CDK17: variants seen among roughly 807,000 people sequenced by gnomAD.
CDK17 encodes the protein cyclin-dependent kinase 17.
A neutral mutation model predicts 77.6 loss-of-function variants in CDK17; 24 were observed. The ratio of observed to expected loss-of-function variants is 0.31; its 90% CI spans 0.22 to 0.44. The LOEUF (loss-of-function observed/expected upper bound fraction) is 0.44, where lower values mean the gene tolerates loss of function less well. CDK17 is among the 20% of genes least tolerant of loss of function. CDK17 has a pLI of 1.00. For synonymous variants in CDK17, 203 were observed against 210.4 expected (o/e 0.96, Z 0.30); for missense variants, 429 against 622.5 (o/e 0.69, Z 3.31).
At chr12:96,370,675 C>A (rs1414538154) in intron 1 of CDK17, among the ~76,000 whole-genome samples, 1 of 152,172 alleles carries the variant, frequency 6.6e-6, no homozygotes, top group Non-Finnish European at 1.5e-5. Flanking sequence ...CCAGAGACTA[C>A]ACTGAATATT....
At chr12:96,374,651 A>ATCT (rs1436220740) in intron 1 of CDK17, among the ~76,000 whole-genome samples, 5 of 152,166 alleles carry the variant, frequency 3.3e-5, no homozygotes, top group African/African-American at 1.2e-4. Flanking sequence ...CTAAGAAGCA[A>ATCT]CATCAGAGAT....
chr12:96,394,562 C>T (rs1954134005), intron 1 of CDK17, among the ~76,000 whole-genome samples: 1 of 151,874 alleles, frequency 6.6e-6, no homozygotes, highest in Non-Finnish European at 1.5e-5. Context: ...TACGTGTAAT[C>T]CCAGCACTTT....
chr12:96,370,660 GT>G (rs930591679), intron 1 of CDK17, among the ~76,000 whole-genome samples: 3 of 152,172 alleles, frequency 2.0e-5, no homozygotes, highest in African/African-American at 7.2e-5. Flanking sequence ...GTACAATGGA[GT>G]TTTCCAGAGA....
intron 1 of CDK17, among the ~76,000 whole-genome samples, chr12:96,388,716 C>T (rs951603200): frequency 6.6e-6 from 1 of 152,028 alleles, no homozygotes; most frequent in African/African-American, 2.4e-5. Context: ...TAAAGGAATC[C>T]CTGAGACTGG....
intron 1 of CDK17, among the ~76,000 whole-genome samples, chr12:96,375,249 G>A (rs1412603842): frequency 6.6e-6 from 1 of 152,108 alleles, no homozygotes; most frequent in Non-Finnish European, 1.5e-5. Context: ...ATAGGAGTTT[G>A]ACCAGTCCTT....
At chr12:96,333,671 C>CAAAAAAAAA (rs58025242) in intron 2 of CDK17, among the ~76,000 whole-genome samples, 1 of 111,570 alleles carries the variant, frequency 9.0e-6, no homozygotes, top group African/African-American at 3.1e-5. Flanking sequence ...GAGACTGTCT[C>CAAAAAAAAA]AAAAAAAAAA....
intron 3 of CDK17, among the ~76,000 whole-genome samples, chr12:96,323,126 T>A (rs901696544): frequency 2.0e-5 from 3 of 152,104 alleles, no homozygotes; most frequent in Admixed American, 2.0e-4. Context: ...GTACTTGAAG[T>A]GATTTTAAAA....
At chr12:96,303,297 TAA>T (rs1952533296) in intron 5 of CDK17, 1 of 152,158 alleles carries the variant, frequency 6.6e-6, no homozygotes, top group Non-Finnish European at 1.5e-5. Context: ...TAGAATATTT[TAA>T]AAGTTTCACA....
Position 96,297,286 on chromosome 12 carries a change from C to G in CDK17, c.857G>C (p.Ser286Thr). 1 of 1,610,620 alleles carries G rather than the reference C, an allele frequency of 6.2e-7. No individual in the cohort carries two copies. The highest frequency in any genetic ancestry group is 1.3e-5 in the African/African-American group (1 of 74,932). ...AAAACATACCTTTACGTTGTGCATA[C>G]TCATGATGTTTCCACAGTCATCCAT... is the stretch of plus-strand genomic sequence containing the variant. ...QYMDDCGNIM[S>T]MHNVKLFLYQ... The change falls in exon 9 of 17, where the codon AGT becomes ACT. Residue 286 changes from serine to threonine, a missense_variant. Ser to Thr is a moderately conservative substitution (Grantham distance 58). This residue lies in a region of CDK17 where 262 missense variants were observed against 385.4 expected (regional missense o/e 0.68). Transcript: ENST00000261211.
At chr12:96,295,302 A>G (rs1227545794) in intron 9 of CDK17, 180 bp from the exon 10 acceptor site, 1 of 422,824 alleles carries the variant, frequency 2.4e-6, no homozygotes, top group Non-Finnish European at 4.2e-6. Context: ...TGAATTTAAT[A>G]GTTTATTATT....
At position 96,399,986 on chromosome 12, in the gene CDK17, C is replaced by T. The variant is rs555629051; in HGVS notation, c.-30G>A. 1.7e-4 allele frequency: 64 copies of T among 380,430 alleles called. No individual in the cohort carries two copies. The highest frequency in any genetic ancestry group is 1.3e-3 in the African/African-American group (60 of 47,986). 23.6% of individuals were successfully genotyped at this position (380,430 alleles called of 1,614,324 possible). ...GCGCGGACGCCAGCCGCCAACTCACCAGCAAGAGCGGGGACCGCGGGTCCC... is the reference window on the plus strand; with the variant it reads ...GCGCGGACGCCAGCCGCCAACTCACTAGCAAGAGCGGGGACCGCGGGTCCC... On this transcript the variant is annotated splice_region_variant and 5_prime_UTR_variant, in exon 1 of 17. Coordinates refer to ENST00000261211, the MANE Select transcript of CDK17 (RefSeq NM_002595.5).
chr12:96,355,928 C>A (rs1277442708), intron 1 of CDK17, among the ~76,000 whole-genome samples: 5 of 152,118 alleles, frequency 3.3e-5, no homozygotes, highest in African/African-American at 1.2e-4. Context: ...TGATTGAAGT[C>A]AATCTATTAA....
chr12:96,340,194 G>A (rs1199614030), intron 1 of CDK17, among the ~76,000 whole-genome samples: 1 of 151,916 alleles, frequency 6.6e-6, no homozygotes, highest in East Asian at 1.9e-4. Flanking sequence ...TTCATATAGT[G>A]CATTTGAACA....
At chr12:96,280,611 T>A in intron 16 of CDK17, 197 bp downstream of exon 16, 1 of 1,413,892 alleles carries the variant, frequency 7.1e-7, no homozygotes, top group East Asian at 2.5e-5. Context: ...CTGAGTCAGA[T>A]TTTTCTCTGA....
Position 96,282,545 on chromosome 12 carries a change from G to A in CDK17, c.1420C>T (p.Arg474Ter). 2 of 1,612,766 alleles carry A rather than the reference G, an allele frequency of 1.2e-6. No homozygotes were observed. The highest frequency in any genetic ancestry group is 1.7e-6 in the Non-Finnish European group (2 of 1,178,816). ...AEEAMKHVYF[R>*]SLGPRIHALP... The stretch of plus-strand genomic sequence containing the variant: ...GCATGTATTCTTGGTCCCAGACTTC[G>A]AAAGTACACATGTTTCATGGCCTCT... The change falls in exon 15 of 17, where the codon CGA becomes TGA. Residue 474 changes from arginine (R) to a stop codon, truncating the protein, a stop_gained. Coordinates refer to ENST00000261211, the MANE Select transcript of CDK17 (RefSeq NM_002595.5). LOFTEE classifies it high-confidence loss of function.
At chr12:96,309,575 T>A (rs1392051876) in intron 5 of CDK17, among the ~76,000 whole-genome samples, 2 of 152,088 alleles carry the variant, frequency 1.3e-5, no homozygotes, top group Non-Finnish European at 2.9e-5. Context: ...GACATGTAAC[T>A]GACAAAGGTC....
At chr12:96,289,511 T>C (rs1239848413) in intron 10 of CDK17, among the ~76,000 whole-genome samples, 1 of 152,206 alleles carries the variant, frequency 6.6e-6, no homozygotes, top group Non-Finnish European at 1.5e-5. Context: ...CCAGAGACTG[T>C]GCTTACTTTT....
chr12:96,375,857 C>A (rs751888257), intron 1 of CDK17, among the ~76,000 whole-genome samples: 12 of 152,090 alleles, frequency 7.9e-5, no homozygotes, highest in African/African-American at 2.9e-4. Flanking sequence ...TGCAGACTCA[C>A]CTATCCAACT....
chr12:96,394,057 C>G (rs1262983501), intron 1 of CDK17, among the ~76,000 whole-genome samples: 1 of 151,866 alleles, frequency 6.6e-6, no homozygotes, highest in East Asian at 1.9e-4. Context: ...ACCAGCCTGG[C>G]CAACATGGTG....
Sources: allele counts gnomAD v4.1 joint callset (sites outside exome capture counted in the v4.1 genomes callset), GRCh38; gene constraint gnomAD v4.1.1; regional missense constraint gnomAD v4.1.1; transcripts MANE v1.5; gene names NCBI Gene and HGNC (gene_info 2026-07-23, HGNC 2026-07-21).